DNAH8: variants seen among roughly 807,000 people sequenced by gnomAD.
DNAH8 encodes the protein dynein axonemal heavy chain 8.
DNAH8 carries 382 observed loss-of-function variants against 562.1 expected under a neutral mutation model. That is an observed-to-expected ratio of 0.68 (90% confidence interval 0.63 to 0.74). The LOEUF (loss-of-function observed/expected upper bound fraction) is 0.74, where lower values mean the gene tolerates loss of function less well. Among genes scored for constraint, DNAH8 ranks in the 30% least tolerant of loss-of-function variants. The pLI, the probability that DNAH8 is intolerant of heterozygous loss-of-function variation, is 0.00. For synonymous variants in DNAH8, 1,881 were observed against 1,919.4 expected (o/e 0.98, Z 0.52); for missense variants, 5,203 against 5,620.4 (o/e 0.93, Z 2.37).
In DNAH8 at chr6:38,737,180, A is replaced by C; in HGVS notation, c.876A>C (p.Leu292Phe). Reference protein sequence around the residue: ...AVLATNNWGALNQSKQGESEK... With the variant: ...AVLATNNWGAFNQSKQGESEK... ...TTGCAACAAACAACTGGGGTGCTTT[A>C]AACCAGTCCAAGCAGGGAGAATCTG... The change falls in exon 6 of 93, where the codon TTA (leucine) becomes TTC (phenylalanine). Residue 292 changes from leucine (L) to phenylalanine (F), a missense_variant. Physicochemically the swap from Leu to Phe is conservative, Grantham distance 22. Around this residue, in one of 6 missense-constraint regions of DNAH8, gnomAD observed 556 missense variants for 496.9 expected, o/e 1.12. Transcript: ENST00000327475. 1 of 1,571,488 alleles carries C rather than the reference A, an allele frequency of 6.4e-7. No homozygotes were observed. Among genetic ancestry groups the C allele is most frequent in the Middle Eastern group, 1.7e-4 (1 of 5,944 alleles).
intron 91 of DNAH8, among the ~76,000 whole-genome samples, chr6:39,025,552 CTTTCTT>C (rs1376890574): frequency 3.3e-5 from 5 of 152,194 alleles, no homozygotes; most frequent in Non-Finnish European, 7.4e-5. Flanking sequence ...AGGACCTATT[CTTTCTT>C]TCCAACTCCA....
chr6:38,866,951 A>G, intron 47 of DNAH8, 75 bp downstream of exon 47: 1 of 783,218 alleles, frequency 1.3e-6, no homozygotes, highest in East Asian at 2.6e-5. Flanking sequence ...CTTGATAAAT[A>G]CTCATCAGTG....
In DNAH8 at chr6:38,906,362, T is replaced by A. The variant is rs750798606; in HGVS notation, c.9303T>A (p.Asp3101Glu). ...TCTTTACTGACAGTGAAATAAAAGATGAGGCATTTCTAGAATACCTTAACA... is the reference window on the plus strand; with the variant it reads ...TCTTTACTGACAGTGAAATAAAAGAAGAGGCATTTCTAGAATACCTTAACA... ...TFIFTDSEIK[D>E]EAFLEYLNNL... Residue 3101 changes from aspartate (D) to glutamate (E), a missense_variant, in exon 63 of 93, where the codon GAT becomes GAA. Asp to Glu is a conservative substitution (Grantham distance 45). Around this residue, in one of 6 missense-constraint regions of DNAH8, gnomAD observed 977 missense variants for 1,061.8 expected, o/e 0.92. Coordinates refer to ENST00000327475, the MANE Select transcript of DNAH8 (RefSeq NM_001206927.2). 1.2e-6 allele frequency: 2 copies of A among 1,610,970 alleles called. No homozygotes were observed. The highest frequency in any genetic ancestry group is 1.7e-6 in the Non-Finnish European group (2 of 1,178,856).
chr6:38,765,307 T>C (rs1288423157), intron 11 of DNAH8, among the ~76,000 whole-genome samples: 1 of 152,252 alleles, frequency 6.6e-6, no homozygotes, highest in Non-Finnish European at 1.5e-5. Context: ...AGCTTTATAG[T>C]TTGATACAAT....
chr6:38,942,812 CAT>C (rs1209509195), intron 79 of DNAH8, among the ~76,000 whole-genome samples: 1 of 152,174 alleles, frequency 6.6e-6, no homozygotes, highest in Non-Finnish European at 1.5e-5. Context: ...GATACTAAGA[CAT>C]AGTCCCACCC....
chr6:38,886,115 T>G (rs1778901249), intron 56 of DNAH8, among the ~76,000 whole-genome samples: 1 of 152,130 alleles, frequency 6.6e-6, no homozygotes, highest in African/African-American at 2.4e-5. Context: ...TGAGATTCTT[T>G]AGAATATAGG....
At chr6:38,733,993 G>A (rs1182242452) in intron 4 of DNAH8, among the ~76,000 whole-genome samples, 1 of 83,914 alleles carries the variant, frequency 1.2e-5, no homozygotes, top group East Asian at 2.1e-4. Flanking sequence ...AAAAAATGAT[G>A]CAATTATTGG....
rs761706117 is a variant in DNAH8 at position 38,723,375 on chromosome 6, A to AATTGAC, written c.430_435dup (p.Ile144_Asp145dup). The stretch of plus-strand genomic sequence containing the variant: ...AGGCAAGGGAAAGCCGAAGACTGAA[A>AATTGAC]ATTGACCCTTCATACAAATATATAT... On this transcript the variant is annotated inframe_insertion, in exon 3 of 93. Transcript: ENST00000327475. 2 of 1,612,074 alleles carry AATTGAC rather than the reference A, an allele frequency of 1.2e-6. No homozygotes were observed. Among genetic ancestry groups the AATTGAC allele is most frequent in the Non-Finnish European group, 1.7e-6 (2 of 1,179,758 alleles).
At chr6:38,862,813 C>G (rs977102653) in intron 44 of DNAH8, among the ~76,000 whole-genome samples, 1 of 152,104 alleles carries the variant, frequency 6.6e-6, no homozygotes, top group Non-Finnish European at 1.5e-5. Context: ...CATAGCAACA[C>G]TGGAAAATAA....
chr6:38,913,579 T>A (rs918370208), intron 66 of DNAH8, among the ~76,000 whole-genome samples: 1 of 152,204 alleles, frequency 6.6e-6, no homozygotes. Flanking sequence ...GCCAAACTAA[T>A]CTTATTCAAT....
At chr6:38,932,316 G>A (rs894451764) in intron 76 of DNAH8, among the ~76,000 whole-genome samples, 2 of 151,768 alleles carry the variant, frequency 1.3e-5, no homozygotes, top group South Asian at 4.2e-4. Flanking sequence ...ATAAAACAAT[G>A]ATTGAGAGAA....
At chr6:38,886,346 T>G (rs905215546) in intron 56 of DNAH8, among the ~76,000 whole-genome samples, 4 of 152,116 alleles carry the variant, frequency 2.6e-5, no homozygotes, top group African/African-American at 9.6e-5. Context: ...GAAGATAAGA[T>G]GAGAACATAA....
intron 36 of DNAH8, among the ~76,000 whole-genome samples, chr6:38,846,298 A>G (rs1775298354): frequency 6.6e-6 from 1 of 152,206 alleles, no homozygotes. Flanking sequence ...CCTGTTCATC[A>G]TTGAACTACG....
chr6:38,929,342 C>T (rs1276138841), intron 74 of DNAH8, 169 bp from the exon 75 acceptor site: 2 of 605,484 alleles, frequency 3.3e-6, no homozygotes, highest in South Asian at 5.8e-5. Context: ...AATCATGACT[C>T]ACCAAGTTTT....
chr6:38,938,164 C>A lies in DNAH8; in HGVS notation c.11754C>A (p.Val3918=). 1 of 1,614,058 alleles carries A rather than the reference C, an allele frequency of 6.2e-7. No homozygotes were observed. Among genetic ancestry groups the A allele is most frequent in the South Asian group, 1.1e-5 (1 of 91,050 alleles). ...TCCTCATCACAGAGATGAGCATGGT[C>A]AACATCATGTATCAGACGTCATTGG... ...LYFLITEMSM[V]NIMYQTSLAQ... Residue 3918 remains valine, a synonymous_variant, in exon 78 of 93, where the codon GTC becomes GTA. Transcript: ENST00000327475.
intron 33 of DNAH8, among the ~76,000 whole-genome samples, chr6:38,841,779 G>A (rs1030012606): frequency 2.0e-5 from 3 of 151,918 alleles, no homozygotes; most frequent in African/African-American, 7.3e-5. Context: ...GTGCAGTGGT[G>A]CAATCATAGC....
intron 89 of DNAH8, among the ~76,000 whole-genome samples, chr6:39,009,968 C>A (rs1766076970): frequency 6.6e-6 from 1 of 152,082 alleles, no homozygotes; most frequent in Non-Finnish European, 1.5e-5. Flanking sequence ...AGCATACTTG[C>A]CTTCAAAGAT....
In DNAH8 at chr6:38,898,361, CAA is replaced by C; in HGVS notation, c.9045_9046del (p.Met3016AspfsTer5). The C allele has an allele frequency of 6.3e-7, 1 of 1,577,962 alleles. No individual in the cohort carries two copies. The highest frequency in any genetic ancestry group is 8.6e-7 in the Non-Finnish European group (1 of 1,168,038). On this transcript the variant is annotated frameshift_variant, in exon 61 of 93. Coordinates refer to ENST00000327475, the MANE Select transcript of DNAH8 (RefSeq NM_001206927.2). LOFTEE classifies it high-confidence loss of function. ...CTTGATCTGGTGTTTTTTAAAGATG[CAA>C]TGACTCATCTTATTAAGGTCCTAAC...
chr6:38,934,867 A>G (rs758329868), intron 76 of DNAH8, among the ~76,000 whole-genome samples: 2 of 152,266 alleles, frequency 1.3e-5, no homozygotes, highest in Non-Finnish European at 2.9e-5. Context: ...AACATTATGT[A>G]TTCTATAGAG....
Sources: gnomAD v4.1 joint callset for allele counts (sites outside exome capture counted in the v4.1 genomes callset) on GRCh38, gnomAD v4.1.1 for gene constraint, gnomAD v4.1.1 regional missense constraint, MANE v1.5 for transcripts, NCBI Gene and HGNC (gene_info 2026-07-23, HGNC 2026-07-21) for gene names.